The following UVSSA variants were observed in gnomAD, a reference collection of about 807,000 sequenced individuals.
UVSSA encodes UV stimulated scaffold protein A.
Under a neutral mutation model 73.9 loss-of-function variants are expected in UVSSA, and 72 were observed. The observed-to-expected ratio is 0.97, with a 90% CI of 0.81 to 1.19. UVSSA has a LOEUF of 1.19. Ranked by LOEUF, UVSSA falls within the 50% of genes most tolerant of loss-of-function variation. UVSSA has a pLI of 0.00. For missense variants in UVSSA, 1,150 were observed against 965.0 expected, an observed-to-expected ratio of 1.19 and a Z score of -2.54; for synonymous variants, 454 against 391.3, an observed-to-expected ratio of 1.16 and a Z score of -1.89.
chr4:1,349,100 G>GGTT (rs1218018509), intron 2 of UVSSA, among the ~76,000 whole-genome samples: 2 of 52,358 alleles, frequency 3.8e-5, no homozygotes, highest in Non-Finnish European at 1.0e-4. Flanking sequence ...CGGGCGGTGT[G>GGTT]TGTTGCGCTA....
chr4:1,377,022 G>A (rs546802358), intron 10 of UVSSA, among the ~76,000 whole-genome samples: 47 of 152,332 alleles, frequency 3.1e-4, no homozygotes, highest in East Asian at 1.7e-3. Context: ...TTCAAGGGCC[G>A]GGCTGCCTGT....
intron 10 of UVSSA, among the ~76,000 whole-genome samples, chr4:1,378,077 C>G (rs1380814836): frequency 6.6e-6 from 1 of 152,248 alleles, no homozygotes; most frequent in Non-Finnish European, 1.5e-5. Context: ...GGGTCCTGCC[C>G]TCTGGCTCTC....
intron 8 of UVSSA, among the ~76,000 whole-genome samples, chr4:1,370,737 C>T (rs931202210): frequency 2.0e-5 from 3 of 152,246 alleles, no homozygotes; most frequent in African/African-American, 7.2e-5. Context: ...AGCCCTGCAG[C>T]TACTGAGCAC....
chr4:1,380,668 G>A (rs995963556), intron 11 of UVSSA: 23 of 1,534,986 alleles, frequency 1.5e-5, no homozygotes, highest in South Asian at 1.1e-4. Flanking sequence ...AAGACCTTCC[G>A]GCTCCAGAGG....
At chr4:1,371,741 G>T (rs1379860164) in intron 8 of UVSSA, among the ~76,000 whole-genome samples, 2 of 152,278 alleles carry the variant, frequency 1.3e-5, no homozygotes, top group African/African-American at 2.4e-5. Context: ...GGGACAGCAC[G>T]GGGAAGACCC....
Position 1,385,968 on chromosome 4 carries a change from G to C in UVSSA, c.*7G>C. ...TAACTACGCACTGAACTAGAGAGCGGGGCCCAGTGCACTGGCCATCAGCAC... is the reference window on the plus strand; with the variant it reads ...TAACTACGCACTGAACTAGAGAGCGCGGCCCAGTGCACTGGCCATCAGCAC... On this transcript the variant is annotated 3_prime_UTR_variant, in exon 14 of 14. Coordinates refer to ENST00000389851, the MANE Select transcript of UVSSA (RefSeq NM_020894.4). 6.2e-7 allele frequency: 1 copy of C among 1,613,884 alleles called. No homozygotes were observed.
chr4:1,353,367 C>G lies in UVSSA; in HGVS notation c.888C>G (p.His296Gln). The part of the protein sequence containing the change: ...DSDLEEFVRS[H>Q]GLGSHKYTLD... ...ACCTCGAGGAGTTTGTGCGGAGCCACGGGCTGGGCTCGCACAAGTACACGC... is the reference window on the plus strand; with the variant it reads ...ACCTCGAGGAGTTTGTGCGGAGCCAGGGGCTGGGCTCGCACAAGTACACGC... The change falls in exon 5 of 14, where the codon CAC (histidine) becomes CAG (glutamine). Residue 296 changes from histidine to glutamine, a missense_variant. Transcript: ENST00000389851. 6.2e-7 allele frequency: 1 copy of G among 1,605,472 alleles called. No individual in the cohort carries two copies. Among genetic ancestry groups the G allele is most frequent in the Non-Finnish European group, 8.5e-7 (1 of 1,176,582 alleles).
chr4:1,366,511 CAG>C (rs1487942259), intron 8 of UVSSA, 80 bp downstream of exon 8: 22 of 1,034,946 alleles, frequency 2.1e-5, no homozygotes, highest in Non-Finnish European at 3.1e-5. Context: ...GTCATGACCT[CAG>C]GGGCAGGGCC....
At chr4:1,378,107 G>A (rs1022030139) in intron 10 of UVSSA, among the ~76,000 whole-genome samples, 1 of 152,220 alleles carries the variant, frequency 6.6e-6, no homozygotes, top group South Asian at 2.1e-4. Flanking sequence ...TAGGGATCTC[G>A]GAGAGCCTGG....
intron 13 of UVSSA, chr4:1,385,613 C>T (rs1720026864): frequency 3.8e-6 from 2 of 528,518 alleles, no homozygotes; most frequent in African/African-American, 1.9e-5. Flanking sequence ...GGGCCACCTT[C>T]ACCGCGCAGA....
intron 7 of UVSSA, among the ~76,000 whole-genome samples, chr4:1,356,325 G>A (rs1459174324): frequency 2.0e-5 from 3 of 152,152 alleles, no homozygotes; most frequent in Non-Finnish European, 4.4e-5. Context: ...TGAGCCTGTC[G>A]TTTTCCCCAG....
Position 1,349,512 on chromosome 4 carries a change from T to C in UVSSA, c.99-12T>C, listed in dbSNP as rs1714335931. ...TGTGGGGCAGTTGGGTCAGGCCAGC[T>C]CGCATCCCCAGGTCTTCAGAGGAGC... On this transcript the variant is annotated splice_polypyrimidine_tract_variant and intron_variant, in intron 2 of 13. Transcript: ENST00000389851. 1 of 1,609,322 alleles carries C rather than the reference T, an allele frequency of 6.2e-7. No homozygotes were observed. The highest frequency in any genetic ancestry group is 8.5e-7 in the Non-Finnish European group (1 of 1,177,550).
intron 8 of UVSSA, among the ~76,000 whole-genome samples, chr4:1,368,465 G>A (rs1238702625): frequency 6.6e-6 from 1 of 152,212 alleles, no homozygotes; most frequent in Non-Finnish European, 1.5e-5. Context: ...GAGGCTCCCC[G>A]GGCCTGTGGC....
rs904755870 is a variant in UVSSA, at chr4:1,353,100, C to T, written c.621C>T (p.Asp207=). The part of the protein sequence containing the change: ...ESCFRLLVPF[D]FDPNPETESL... ...GCTTTAGGCTGCTGGTGCCTTTTGA[C>T]TTTGACCCGAACCCGGAGACGGAAT... is the stretch of plus-strand genomic sequence containing the variant. The change falls in exon 5 of 14, where the codon GAC becomes GAT. Residue 207 remains aspartate, a synonymous_variant. Transcript: ENST00000389851. 6.2e-7 allele frequency: 1 copy of T among 1,612,978 alleles called. No homozygotes were observed. The highest frequency in any genetic ancestry group is 8.5e-7 in the Non-Finnish European group (1 of 1,180,020).
Position 1,387,309 on chromosome 4 carries a change from C to G in UVSSA, c.*1348C>G, listed in dbSNP as rs1462660487. The G allele has an allele frequency of 1.3e-5, 2 of 152,124 alleles. No homozygotes were observed. The highest frequency in any genetic ancestry group is 1.3e-4 in the Admixed American group (2 of 15,266). 9.4% of individuals were successfully genotyped at this position (152,124 alleles called of 1,614,324 possible). A position where few individuals can be genotyped will look rare whatever the true frequency, so the allele number is the denominator to read the frequency against. On this transcript the variant is annotated 3_prime_UTR_variant, in exon 14 of 14. Transcript: ENST00000389851. ...GCTGGGATGGTCTTGATCTCTTGAC[C>G]TCGTGATCCACCCACCTCGGCCTCC...
downstream of UVSSA, chr4:1,388,317 T>G (rs1720298357): frequency 6.6e-6 from 1 of 152,260 alleles, no homozygotes; most frequent in East Asian, 1.9e-4. Context: ...CAACTGACTT[T>G]TGTGTATTGA....
chr4:1,349,856 T>C lies in UVSSA; in HGVS notation c.429+2T>C, dbSNP rs1479735488. On this transcript the variant is annotated splice_donor_variant, in intron 3 of 13. Coordinates refer to ENST00000389851, the MANE Select transcript of UVSSA (RefSeq NM_020894.4). LOFTEE classifies it high-confidence loss of function. ...CACTTCTTAAGACACAACAAAAAGG[T>C]AGGTGGGCCTGGCCCATTTTTTCAG... 6.5e-7 allele frequency: 1 copy of C among 1,533,050 alleles called. No individual in the cohort carries two copies. The highest frequency in any genetic ancestry group is 1.4e-5 in the African/African-American group (1 of 71,756). 95.0% of individuals were successfully genotyped at this position (1,533,050 alleles called of 1,614,324 possible).
At chr4:1,363,143 G>A (rs1156965094) in intron 7 of UVSSA, among the ~76,000 whole-genome samples, 2 of 152,064 alleles carry the variant, frequency 1.3e-5, no homozygotes, top group African/African-American at 4.8e-5. Context: ...GTTGCAAGCT[G>A]AAGTATGGAA....
chr4:1,378,413 C>T (rs1345534830), intron 10 of UVSSA, among the ~76,000 whole-genome samples: 3 of 152,188 alleles, frequency 2.0e-5, no homozygotes, highest in South Asian at 2.1e-4. Context: ...ATTAGCCGGG[C>T]GTGGTGGCGT....
Sources: gnomAD v4.1 joint callset for allele counts (sites outside exome capture counted in the v4.1 genomes callset) on GRCh38, gnomAD v4.1.1 for gene constraint, MANE v1.5 for transcripts, NCBI Gene and HGNC (gene_info 2026-07-23, HGNC 2026-07-21) for gene names.